The following SGCZ variants were observed in gnomAD, a reference collection of about 807,000 sequenced individuals.
SGCZ encodes the protein sarcoglycan zeta, also known as zeta-sarcoglycan.
SGCZ carries 40 observed loss-of-function variants against 41.3 expected under a neutral mutation model. That is an observed-to-expected ratio of 0.97 (90% CI 0.75 to 1.26). SGCZ has a LOEUF of 1.26. Among genes scored for constraint, SGCZ ranks in the 50% most tolerant of loss-of-function variants. The pLI, the probability that SGCZ is intolerant of heterozygous loss-of-function variation, is 0.00. For missense variants in SGCZ, 552 were observed against 369.8 expected (o/e 1.49, Z -4.04); for synonymous variants, 206 against 137.5 (o/e 1.50, Z -3.49).
chr8:14,615,584 A>G (rs1806073756), intron 1 of SGCZ, among the ~76,000 whole-genome samples: 1 of 152,264 alleles, frequency 6.6e-6, no homozygotes, highest in South Asian at 2.1e-4. Context: ...TTTCTTTCAC[A>G]GATGATGGAT....
At chr8:14,788,427 C>G (rs1389499138) in intron 1 of SGCZ, among the ~76,000 whole-genome samples, 4 of 152,220 alleles carry the variant, frequency 2.6e-5, no homozygotes, top group Middle Eastern at 3.4e-3. Flanking sequence ...CTGTGGAAAT[C>G]AAATGACACA....
chr8:14,493,359 CTTTTTTTTTTTTTTTT>C, intron 2 of SGCZ, among the ~76,000 whole-genome samples: 1 of 44,278 alleles, frequency 2.3e-5, no homozygotes, highest in South Asian at 1.3e-3. Context: ...ATCATCCTTT[CTTTTTTTTTTTTTTTT>C]TTTTTTTTTT....
chr8:14,826,666 G>A (rs1428264285), intron 1 of SGCZ, among the ~76,000 whole-genome samples: 2 of 152,048 alleles, frequency 1.3e-5, no homozygotes, highest in African/African-American at 4.8e-5. Context: ...GTTTTGATTT[G>A]CATTTCTCTG....
At chr8:15,182,702 C>T (rs1032860275) in intron 1 of SGCZ, among the ~76,000 whole-genome samples, 2 of 151,788 alleles carry the variant, frequency 1.3e-5, no homozygotes, top group Admixed American at 6.6e-5. Flanking sequence ...TATATACCAC[C>T]GTAGACTTTA....
intron 3 of SGCZ, among the ~76,000 whole-genome samples, chr8:14,280,803 T>C (rs1800402863): frequency 3.8e-3 from 1 of 260 alleles, no homozygotes; most frequent in South Asian, 0.056. Flanking sequence ...ACTATAGGGT[T>C]TTTTTTTTTT....
At chr8:14,095,370 T>C (rs1484573588) in intron 7 of SGCZ, among the ~76,000 whole-genome samples, 3 of 152,234 alleles carry the variant, frequency 2.0e-5, no homozygotes, top group African/African-American at 4.8e-5. Context: ...ACACCATTTA[T>C]TAAATAGGGA....
At chr8:15,186,923 C>A (rs949606138) in intron 1 of SGCZ, among the ~76,000 whole-genome samples, 1 of 152,014 alleles carries the variant, frequency 6.6e-6, no homozygotes, top group Non-Finnish European at 1.5e-5. Flanking sequence ...CCTCTGAATG[C>A]GTTTTTATAT....
intron 1 of SGCZ, among the ~76,000 whole-genome samples, chr8:14,919,874 C>G (rs953666855): frequency 2.6e-5 from 4 of 152,072 alleles, no homozygotes; most frequent in African/African-American, 9.7e-5. Context: ...GCCAAGATCA[C>G]GCCACTGCAC....
chr8:14,409,506 T>C (rs909197010), intron 2 of SGCZ, among the ~76,000 whole-genome samples: 4 of 152,114 alleles, frequency 2.6e-5, no homozygotes, highest in Non-Finnish European at 4.4e-5. Context: ...ACTTTTAAAA[T>C]ATGTTTTACA....
At chr8:14,769,228 A>C (rs549384318) in intron 1 of SGCZ, among the ~76,000 whole-genome samples, 1 of 152,304 alleles carries the variant, frequency 6.6e-6, no homozygotes, top group Middle Eastern at 3.4e-3. Flanking sequence ...TGTGAATAAA[A>C]AATAATGAGA....
At chr8:15,149,662 G>A (rs1319828436) in intron 1 of SGCZ, among the ~76,000 whole-genome samples, 2 of 148,660 alleles carry the variant, frequency 1.3e-5, no homozygotes, top group Admixed American at 6.7e-5. Context: ...CTTTAATGAG[G>A]TGGAGGAAAA....
chr8:14,506,325 A>G (rs1802304123), intron 2 of SGCZ, among the ~76,000 whole-genome samples: 1 of 152,126 alleles, frequency 6.6e-6, no homozygotes, highest in African/African-American at 2.4e-5. Context: ...GGTCAAGGTC[A>G]ACCTCTCCAT....
intron 3 of SGCZ, among the ~76,000 whole-genome samples, chr8:14,285,973 T>C (rs570629552): frequency 3.5e-4 from 53 of 152,160 alleles, no homozygotes; most frequent in Non-Finnish European, 6.3e-4. Context: ...TATAATAATG[T>C]ATGTGTATCT....
chr8:14,523,022 C>G (rs1218922485), intron 2 of SGCZ, among the ~76,000 whole-genome samples: 5 of 151,846 alleles, frequency 3.3e-5, no homozygotes, highest in African/African-American at 1.2e-4. Flanking sequence ...GAACTTACCA[C>G]ATTCTACTAC....
At chr8:14,500,400 G>T (rs551501722) in intron 2 of SGCZ, among the ~76,000 whole-genome samples, 9 of 151,132 alleles carry the variant, frequency 6.0e-5, no homozygotes, top group Non-Finnish European at 1.2e-4. Flanking sequence ...GCTAAAAATG[G>T]CTTTTTCACA....
At chr8:15,140,083 C>T (rs1284560147) in intron 1 of SGCZ, among the ~76,000 whole-genome samples, 1 of 151,946 alleles carries the variant, frequency 6.6e-6, no homozygotes, top group African/African-American at 2.4e-5. Flanking sequence ...TGCACTGATG[C>T]AATCTTGGCT....
rs113495317 is a variant in SGCZ, at chr8:14,313,473, T to C, written c.336+10630A>G. On this transcript the variant is annotated intron_variant, in intron 3 of 7. Coordinates refer to ENST00000382080, the MANE Select transcript of SGCZ (RefSeq NM_139167.4). The stretch of plus-strand genomic sequence containing the variant: ...CTAGGATTACAAGTGTAAGCCACCA[T>C]GCCCAGCTAATTTTTGTATTTTTAG... 8.5e-3 allele frequency among the ~76,000 whole-genome samples: 1,299 copies of C among 152,228 alleles called. 13 individuals carry two copies. Among genetic ancestry groups the C allele is most frequent in the South Asian group, 0.027 (129 of 4,822 alleles).
At chr8:14,863,426 G>C (rs1803821278) in intron 1 of SGCZ, among the ~76,000 whole-genome samples, 1 of 152,050 alleles carries the variant, frequency 6.6e-6, no homozygotes. Context: ...CCAGGCTCAA[G>C]CAATCCTCCC....
chr8:14,358,971 C>G (rs574669592), intron 2 of SGCZ, among the ~76,000 whole-genome samples: 1 of 152,164 alleles, frequency 6.6e-6, no homozygotes, highest in Admixed American at 6.5e-5. Context: ...CAACTTTGGA[C>G]CTGCTCTTTT....
Sources: allele counts gnomAD v4.1 joint callset (sites outside exome capture counted in the v4.1 genomes callset), GRCh38; gene constraint gnomAD v4.1.1; transcripts MANE v1.5; gene names NCBI Gene and HGNC (gene_info 2026-07-23, HGNC 2026-07-21).